The following ZNF680 variants were observed in gnomAD, a reference collection of about 807,000 sequenced individuals.
ZNF680 encodes hypothetical protein FLJ90430.
A neutral mutation model predicts 12.1 loss-of-function variants in ZNF680; 6 were observed. The ratio of observed to expected loss-of-function variants is 0.49; its 90% CI spans 0.27 to 0.98. The LOEUF is 0.98. ZNF680 is among the 50% of genes least tolerant of loss of function. The pLI is 0.12. For synonymous variants in ZNF680, 170 were observed against 199.3 expected (o/e 0.85, Z 1.24); for missense variants, 561 against 616.3 (o/e 0.91, Z 0.95).
chr7:64,505,667 A>G, the ZNF680 span, among the ~76,000 whole-genome samples: 17 of 152,080 alleles, frequency 1.1e-4, no homozygotes, highest in African/African-American at 4.1e-4. Flanking sequence ...CCTTTCATCC[A>G]GGTTGTTTCT....
At chr7:64,514,156 G>A in the ZNF680 span, among the ~76,000 whole-genome samples, 2 of 152,106 alleles carry the variant, frequency 1.3e-5, no homozygotes, top group African/African-American at 2.4e-5. Context: ...CTTGAGTTCT[G>A]CAAGGGGCTC....
intron 3 of ZNF680, chr7:64,525,925 A>G: frequency 1.0e-6 from 1 of 984,918 alleles, no homozygotes; most frequent in South Asian, 4.7e-5. Flanking sequence ...AGGTAAACAC[A>G]GAGATCGTTA....
chr7:64,532,791 C>G (rs1381904392), intron 3 of ZNF680, among the ~76,000 whole-genome samples: 1 of 152,198 alleles, frequency 6.6e-6, no homozygotes, highest in African/African-American at 2.4e-5. Flanking sequence ...TACCAGCTAA[C>G]TGAATCCAAC....
At chr7:64,525,254 T>C (rs1352586080) in intron 3 of ZNF680, 3 of 152,188 alleles carry the variant, frequency 2.0e-5, no homozygotes, top group Non-Finnish European at 4.4e-5. Context: ...TATGATCATA[T>C]AGGTCATTTG....
chr7:64,530,636 G>A (rs1785810023), intron 3 of ZNF680, among the ~76,000 whole-genome samples: 1 of 151,870 alleles, frequency 6.6e-6, no homozygotes, highest in African/African-American at 2.4e-5. Flanking sequence ...TGAGGCAGGT[G>A]GATCACAAGA....
Position 64,543,715 on chromosome 7 carries a change from T to A in ZNF680, c.245A>T (p.Lys82Ile), listed in dbSNP as rs200057704. 167 of 1,613,188 alleles carry A rather than the reference T, an allele frequency of 1.0e-4. 2 individuals carry two copies. In the Middle Eastern group the frequency reaches 1.2e-3, roughly 11 times the overall value. Residue 82 changes from lysine (K) to isoleucine (I), a missense_variant, in exon 3 of 4, where the codon AAA becomes ATA. Lys to Ile is a moderately radical substitution (Grantham distance 102, BLOSUM62 -3). Coordinates refer to ENST00000309683, the MANE Select transcript of ZNF680 (RefSeq NM_178558.5). The part of the protein sequence containing the change: ...WNRKRQEMVA[K>I]PPVIYSHFTE... Reference sequence around the variant, plus strand: ...CTATCACTCTCACCTACCTGGGGGTTTGGCTACCATCTCCTGTCTCTTCCT... The same window carrying A: ...CTATCACTCTCACCTACCTGGGGGTATGGCTACCATCTCCTGTCTCTTCCT...
the ZNF680 span, among the ~76,000 whole-genome samples, chr7:64,512,593 A>C: frequency 2.0e-5 from 3 of 152,138 alleles, no homozygotes; most frequent in Admixed American, 6.5e-5. Context: ...TAAAAACAAG[A>C]ACACCACAAA....
the ZNF680 span, among the ~76,000 whole-genome samples, chr7:64,500,569 A>G: frequency 6.6e-6 from 1 of 152,248 alleles, no homozygotes; most frequent in East Asian, 1.9e-4. Context: ...TTCTATGTAG[A>G]GTATAAAAAG....
the ZNF680 span, chr7:64,501,397 C>T: frequency 8.6e-7 from 1 of 1,156,808 alleles, no homozygotes; most frequent in Non-Finnish European, 1.3e-6. Context: ...AGGAGATGAC[C>T]TTTAGGCCAT....
the ZNF680 span, among the ~76,000 whole-genome samples, chr7:64,509,178 GGAGTCA>G: frequency 2.0e-5 from 3 of 152,252 alleles, no homozygotes; most frequent in African/African-American, 7.2e-5. Context: ...AAAAGAATTT[GGAGTCA>G]GAGTTTTTAC....
chr7:64,501,133 T>A, the ZNF680 span: 1 of 931,586 alleles, frequency 1.1e-6, no homozygotes, highest in Non-Finnish European at 1.7e-6. Context: ...TGCAGCGATG[T>A]ATGGGTCAGT....
chr7:64,519,704 A>C (rs1791434063), downstream of ZNF680, among the ~76,000 whole-genome samples: 1 of 151,780 alleles, frequency 6.6e-6, no homozygotes, highest in African/African-American at 2.4e-5. Flanking sequence ...ATTATTTTTG[A>C]TCACATCAGT....
chr7:64,524,177 C>T lies in ZNF680; in HGVS notation c.254-1677G>A, dbSNP rs1472005662. 4.4e-5 allele frequency among the ~76,000 whole-genome samples: 6 copies of T among 135,770 alleles called. No individual in the cohort carries two copies. In the East Asian group the frequency reaches 6.2e-4, roughly 14 times the overall value. 89.1% of individuals were successfully genotyped at this position (135,770 alleles called of 152,430 possible). On this transcript the variant is annotated intron_variant, in intron 3 of 3. Coordinates refer to ENST00000309683, the MANE Select transcript of ZNF680 (RefSeq NM_178558.5). The stretch of plus-strand genomic sequence containing the variant: ...TTTTTTTTTTTTTGAGATGGAGTTT[C>T]GCTCTTGTTGCCTAGGCTGGAGTGC...
chr7:64,539,063 G>A (rs576948203), intron 3 of ZNF680, among the ~76,000 whole-genome samples: 106 of 148,278 alleles, frequency 7.1e-4, no homozygotes, highest in Admixed American at 6.8e-3. Flanking sequence ...CCTGGGAGGC[G>A]GAGACTGCAG....
the ZNF680 span, among the ~76,000 whole-genome samples, chr7:64,502,720 C>A: frequency 6.6e-6 from 1 of 152,198 alleles, no homozygotes; most frequent in Non-Finnish European, 1.5e-5. Context: ...CCCTACATTT[C>A]CTACCTTAAC....
At chr7:64,511,991 G>A in the ZNF680 span, among the ~76,000 whole-genome samples, 41 of 151,370 alleles carry the variant, frequency 2.7e-4, no homozygotes, top group East Asian at 1.4e-3. Context: ...CCTGGGAGGC[G>A]GAGGTTGCAG....
chr7:64,527,486 A>G (rs1362797298), intron 3 of ZNF680, among the ~76,000 whole-genome samples: 1 of 152,128 alleles, frequency 6.6e-6, no homozygotes, highest in Non-Finnish European at 1.5e-5. Flanking sequence ...ACCCAAGGTC[A>G]GAAGTTCGAG....
the ZNF680 span, among the ~76,000 whole-genome samples, chr7:64,510,477 G>A: frequency 0.05 from 7,651 of 151,964 alleles, 284 homozygotes; most frequent in East Asian, 0.17. Flanking sequence ...TGCAAAAACA[G>A]GCTGTTTCCA....
Position 64,562,996 on chromosome 7 carries a change from C to T in ZNF680, c.-42G>A. 1 of 1,611,280 alleles carries T rather than the reference C, an allele frequency of 6.2e-7. No homozygotes were observed. On this transcript the variant is annotated 5_prime_UTR_variant, in exon 1 of 4. The change creates a new upstream start codon in the 5' untranslated region. Transcript: ENST00000309683. ...CCAATACCTGCAGATAACGGAGTCA[C>T]AGAGGCTGGGCCTCTAGGAGCAGAA...
Sources: gnomAD v4.1 joint callset for allele counts (sites outside exome capture counted in the v4.1 genomes callset) on GRCh38, gnomAD v4.1.1 for gene constraint, MANE v1.5 for transcripts, NCBI Gene and HGNC (gene_info 2026-07-23, HGNC 2026-07-21) for gene names.